Variants in SETBP1 observed in about 807,000 individuals in gnomAD.
The protein encoded by SETBP1 is SET-binding protein.
Under a neutral mutation model 101.0 loss-of-function variants are expected in SETBP1, and 9 were observed. The observed-to-expected ratio is 0.09, with a 90% CI of 0.05 to 0.16. The LOEUF is 0.16. SETBP1 is among the 10% of genes least tolerant of loss of function. SETBP1 has a pLI of 1.00. For missense variants in SETBP1, 1,858 were observed against 2,033.8 expected, an observed-to-expected ratio of 0.91 and a Z score of 1.66; for synonymous variants, 818 against 788.5, an observed-to-expected ratio of 1.04 and a Z score of -0.63.
chr18:44,792,428 A>G (rs1047568504), intron 2 of SETBP1, among the ~76,000 whole-genome samples: 1 of 152,210 alleles, frequency 6.6e-6, no homozygotes, highest in Non-Finnish European at 1.5e-5. Flanking sequence ...TGCCTGAGAA[A>G]TGAAGTCAGA....
At chr18:45,011,114 A>G (rs762205230) in intron 4 of SETBP1, among the ~76,000 whole-genome samples, 4 of 152,206 alleles carry the variant, frequency 2.6e-5, no homozygotes, top group Non-Finnish European at 5.9e-5. Context: ...AGGGTAAATA[A>G]GATATAAACA....
At chr18:44,876,615 C>T (rs1456789523) in intron 3 of SETBP1, 3 of 1,551,420 alleles carry the variant, frequency 1.9e-6, no homozygotes, top group Non-Finnish European at 2.6e-6. Flanking sequence ...GAGGCCAAGG[C>T]ATCCCATTCA....
chr18:44,976,033 G>A (rs1041340399), intron 4 of SETBP1, among the ~76,000 whole-genome samples: 3 of 150,302 alleles, frequency 2.0e-5, no homozygotes, highest in African/African-American at 7.3e-5. Context: ...GACTGTGCAT[G>A]TATATTCAGT....
chr18:44,861,074 G>C (rs954351934), intron 2 of SETBP1, among the ~76,000 whole-genome samples: 1 of 152,002 alleles, frequency 6.6e-6, no homozygotes, highest in Non-Finnish European at 1.5e-5. Flanking sequence ...ACCAGTAAAA[G>C]TTATGTTATT....
intron 4 of SETBP1, among the ~76,000 whole-genome samples, chr18:44,964,141 G>T (rs576111249): frequency 1.6e-4 from 24 of 152,056 alleles, no homozygotes; most frequent in African/African-American, 5.6e-4. Context: ...TATCTGTCAC[G>T]TCTTATATTG....
intron 4 of SETBP1, among the ~76,000 whole-genome samples, chr18:44,968,470 G>A (rs1043467239): frequency 1.3e-5 from 2 of 152,156 alleles, no homozygotes; most frequent in African/African-American, 4.8e-5. Context: ...CTATGTGGAC[G>A]ACCTGGGGGG....
chr18:44,709,391 G>T (rs2069291337), intron 2 of SETBP1, among the ~76,000 whole-genome samples: 1 of 152,196 alleles, frequency 6.6e-6, no homozygotes, highest in Non-Finnish European at 1.5e-5. Context: ...TCTGGAAGTG[G>T]ATTAGAACTC....
chr18:44,960,132 A>G (rs1053419117), intron 4 of SETBP1, among the ~76,000 whole-genome samples: 7 of 152,120 alleles, frequency 4.6e-5, no homozygotes, highest in African/African-American at 1.4e-4. Flanking sequence ...CCTGACCTCA[A>G]GTGATCCTCC....
chr18:44,985,566 G>A (rs1402146290), intron 4 of SETBP1, among the ~76,000 whole-genome samples: 2 of 152,138 alleles, frequency 1.3e-5, no homozygotes, highest in East Asian at 1.9e-4. Flanking sequence ...CTCACGCAAG[G>A]GCACAGTTAC....
At chr18:44,741,388 A>G (rs540831053) in intron 2 of SETBP1, among the ~76,000 whole-genome samples, 6 of 152,316 alleles carry the variant, frequency 3.9e-5, no homozygotes, top group Non-Finnish European at 1.5e-5. Context: ...ACTATTTCCT[A>G]TCTCTTCCTC....
intron 4 of SETBP1, among the ~76,000 whole-genome samples, chr18:45,014,599 C>T (rs2072905180): frequency 6.6e-6 from 1 of 152,076 alleles, no homozygotes; most frequent in Non-Finnish European, 1.5e-5. Flanking sequence ...ACAAAAACAT[C>T]GAGGGAACTC....
intron 2 of SETBP1, among the ~76,000 whole-genome samples, chr18:44,766,005 A>G (rs1011920908): frequency 1.3e-5 from 2 of 152,196 alleles, no homozygotes; most frequent in Non-Finnish European, 2.9e-5. Flanking sequence ...AGGCTTCCTC[A>G]CCTAGTTCCT....
intron 5 of SETBP1, among the ~76,000 whole-genome samples, chr18:45,058,282 A>C (rs2073840784): frequency 6.6e-6 from 1 of 152,218 alleles, no homozygotes; most frequent in South Asian, 2.1e-4. Context: ...GAAGAGAGAA[A>C]AATCTGTAAA....
chr18:45,050,964 G>A (rs919796978), intron 5 of SETBP1, among the ~76,000 whole-genome samples: 1 of 152,084 alleles, frequency 6.6e-6, no homozygotes, highest in African/African-American at 2.4e-5. Flanking sequence ...TCACAATCCT[G>A]GTCTTTGTCT....
In SETBP1 at chr18:44,869,276, A is replaced by G; in HGVS notation, c.533A>G (p.Gln178Arg). 1 of 1,614,042 alleles carries G rather than the reference A, an allele frequency of 6.2e-7. No individual in the cohort carries two copies. The highest frequency in any genetic ancestry group is 8.5e-7 in the Non-Finnish European group (1 of 1,179,896). Reference protein sequence around the residue: ...DLAASDLKGFQPQAYERPQKH... With the variant: ...DLAASDLKGFRPQAYERPQKH... Reference sequence around the variant, plus strand: ...GCAGCCAGTGACCTCAAAGGATTTCAGCCACAGGTAAGTTCCACTGATGCT... The same window carrying G: ...GCAGCCAGTGACCTCAAAGGATTTCGGCCACAGGTAAGTTCCACTGATGCT... Residue 178 changes from glutamine to arginine, a missense_variant, in exon 3 of 6, where the codon CAG becomes CGG. By Grantham distance (43) the Gln-to-Arg change is conservative. Coordinates refer to ENST00000649279, the MANE Select transcript of SETBP1 (RefSeq NM_015559.3).
At chr18:44,904,063 A>G (rs539118473) in intron 3 of SETBP1, among the ~76,000 whole-genome samples, 1 of 152,318 alleles carries the variant, frequency 6.6e-6, no homozygotes, top group East Asian at 1.9e-4. Flanking sequence ...ACTCATACAT[A>G]TTTGCTCAAT....
chr18:44,733,398 A>C (rs879371013), intron 2 of SETBP1: 4 of 152,234 alleles, frequency 2.6e-5, no homozygotes, highest in African/African-American at 7.2e-5. Flanking sequence ...AGATCTGGAC[A>C]GTCCTGTCTT....
intron 3 of SETBP1, among the ~76,000 whole-genome samples, chr18:44,901,802 C>T (rs1211471186): frequency 6.6e-6 from 1 of 152,122 alleles, no homozygotes; most frequent in Non-Finnish European, 1.5e-5. Context: ...AGAAATATTA[C>T]CCAGGGACAA....
At chr18:45,055,760 C>A (rs1321522575) in intron 5 of SETBP1, among the ~76,000 whole-genome samples, 1 of 152,124 alleles carries the variant, frequency 6.6e-6, no homozygotes, top group Admixed American at 6.5e-5. Flanking sequence ...TGAAACTTGG[C>A]AAACCATCCT....
Sources: allele counts gnomAD v4.1 joint callset (sites outside exome capture counted in the v4.1 genomes callset), GRCh38; gene constraint gnomAD v4.1.1; transcripts MANE v1.5; gene names NCBI Gene and HGNC (gene_info 2026-07-23, HGNC 2026-07-21).